MORC1: variants seen among roughly 807,000 people sequenced by gnomAD.
MORC1 encodes MORC family CW-type zinc finger protein 1.
A neutral mutation model predicts 134.9 loss-of-function variants in MORC1; 59 were observed. The observed-to-expected ratio is 0.44, with a 90% confidence interval of 0.35 to 0.54. The LOEUF is 0.54. Ranked by LOEUF, MORC1 falls within the 20% of genes least tolerant of loss-of-function variation. The pLI is 0.00. For synonymous variants in MORC1, 395 were observed against 391.7 expected, an observed-to-expected ratio of 1.01 and a Z score of -0.10; for missense variants, 947 against 1,134.5, an observed-to-expected ratio of 0.83 and a Z score of 2.37.
At chr3:108,998,975 A>C (rs529856096) in intron 21 of MORC1, among the ~76,000 whole-genome samples, 1 of 152,342 alleles carries the variant, frequency 6.6e-6, no homozygotes, top group Non-Finnish European at 1.5e-5. Flanking sequence ...AGAGGTGACA[A>C]AGTAAGGGCT....
intron 1 of MORC1, among the ~76,000 whole-genome samples, chr3:109,116,419 A>G (rs1259288077): frequency 1.3e-5 from 2 of 152,194 alleles, no homozygotes; most frequent in Non-Finnish European, 2.9e-5. Context: ...TGGATTGGAC[A>G]TAGAGGTAAA....
In MORC1 at chr3:109,040,427, GGAAA is replaced by G. The variant is rs1214249386; in HGVS notation, c.1331-4963_1331-4960del. Among the ~76,000 whole-genome samples, 137 of 48,334 alleles carry G rather than the reference GGAAA, an allele frequency of 2.8e-3. 2 individuals carry two copies. The highest frequency in any genetic ancestry group is 6.1e-3 in the African/African-American group (92 of 15,156). The allele number at this position is 48,334 out of a possible 152,430, so 31.7% of individuals were successfully genotyped here. On this transcript the variant is annotated intron_variant, in intron 14 of 27. Transcript: ENST00000232603. ...GAGAAGGAAGGAAGGAAGGAAGGAAGGAAAGAAAGAAAGAAAGAAAGAAAGAAAG... is the reference window on the plus strand; with the variant it reads ...GAGAAGGAAGGAAGGAAGGAAGGAAGGAAAGAAAGAAAGAAAGAAAGAAAG...
chr3:108,995,709 T>G (rs1948182916), intron 21 of MORC1, among the ~76,000 whole-genome samples: 1 of 152,162 alleles, frequency 6.6e-6, no homozygotes, highest in South Asian at 2.1e-4. Context: ...ATTAATACAT[T>G]GTTTAGGTCA....
chr3:108,973,907 T>G (rs1407657892), intron 24 of MORC1, among the ~76,000 whole-genome samples: 1 of 152,214 alleles, frequency 6.6e-6, no homozygotes, highest in Non-Finnish European at 1.5e-5. Flanking sequence ...ATCCAACTAT[T>G]CTTTATAAAG....
chr3:109,009,750 TTATAA>T (rs1220812431), intron 17 of MORC1, among the ~76,000 whole-genome samples: 2 of 152,176 alleles, frequency 1.3e-5, no homozygotes, highest in Admixed American at 6.5e-5. Context: ...AGTAATTTTA[TTATAA>T]TATATGTCTT....
intron 17 of MORC1, among the ~76,000 whole-genome samples, chr3:109,022,333 C>A (rs1948977882): frequency 6.6e-6 from 1 of 152,168 alleles, no homozygotes; most frequent in African/African-American, 2.4e-5. Context: ...ATTCTTCATA[C>A]AAAGCTGTAC....
chr3:109,085,943 A>G (rs1171116304), intron 8 of MORC1, among the ~76,000 whole-genome samples: 1 of 152,168 alleles, frequency 6.6e-6, no homozygotes, highest in Non-Finnish European at 1.5e-5. Flanking sequence ...CACTGTAGCA[A>G]CATGGATGAA....
intron 8 of MORC1, among the ~76,000 whole-genome samples, chr3:109,084,510 T>C (rs1307472091): frequency 6.6e-6 from 1 of 152,078 alleles, no homozygotes. Context: ...GAAGAGAATT[T>C]GAAACATAAT....
At chr3:109,094,628 G>A (rs1002541836) in intron 7 of MORC1, among the ~76,000 whole-genome samples, 32 of 152,196 alleles carry the variant, frequency 2.1e-4, no homozygotes, top group African/African-American at 7.0e-4. Context: ...CTAGTGCAGC[G>A]ACTGTGGAGT....
At chr3:109,050,886 A>G (rs1949807854) in intron 14 of MORC1, among the ~76,000 whole-genome samples, 1 of 152,176 alleles carries the variant, frequency 6.6e-6, no homozygotes, top group Admixed American at 6.5e-5. Context: ...CCTCTTTGCC[A>G]ACTGAAGAAC....
intron 24 of MORC1, among the ~76,000 whole-genome samples, chr3:108,972,725 C>A (rs772319732): frequency 2.8e-4 from 43 of 152,256 alleles, no homozygotes; most frequent in African/African-American, 1.0e-3. Flanking sequence ...GGTGAGAGAC[C>A]TTTTACACAA....
At chr3:109,103,741 T>G in intron 4 of MORC1, 108 bp downstream of exon 4, 1 of 974,516 alleles carries the variant, frequency 1.0e-6, no homozygotes, top group South Asian at 1.6e-5. Flanking sequence ...CTTACTTTCT[T>G]TAATAGCTCC....
At chr3:109,117,867 A>T (rs993517286) in intron 1 of MORC1, 128 bp downstream of exon 1, 1 of 821,980 alleles carries the variant, frequency 1.2e-6, no homozygotes, top group Non-Finnish European at 2.0e-6. Flanking sequence ...AAGCCTATAC[A>T]GCTCAAATAA....
At chr3:109,030,017 C>G (rs1244468242) in intron 16 of MORC1, among the ~76,000 whole-genome samples, 1 of 152,110 alleles carries the variant, frequency 6.6e-6, no homozygotes, top group African/African-American at 2.4e-5. Flanking sequence ...TATATAATTG[C>G]AAAGTAAGAG....
In MORC1 at chr3:109,054,801, A is replaced by G. The variant is rs752926989; in HGVS notation, c.1257T>C (p.Asn419=). Residue 419 remains asparagine (N), a synonymous_variant, in exon 14 of 28, where the codon AAT becomes AAC. Transcript: ENST00000232603. ...EPSHNKQEFL[N]VQEYNHLLKV... ...TTAGTAGATGATTATACTCTTGGACATTGAGAAATTCCTGTTTATTATGGG... is the reference window on the plus strand; with the variant it reads ...TTAGTAGATGATTATACTCTTGGACGTTGAGAAATTCCTGTTTATTATGGG... 11 of 1,606,886 alleles carry G rather than the reference A, an allele frequency of 6.8e-6. No homozygotes were observed. The highest frequency in any genetic ancestry group is 9.3e-6 in the Non-Finnish European group (11 of 1,178,354).
chr3:109,000,710 T>C (rs777773937), intron 20 of MORC1, 52 bp from the exon 21 acceptor site: 8 of 1,340,578 alleles, frequency 6.0e-6, no homozygotes, highest in Non-Finnish European at 1.1e-6. Flanking sequence ...CAATCAATGG[T>C]ACATACTAAA....
At chr3:108,990,701 G>A (rs1487541510) in intron 21 of MORC1, among the ~76,000 whole-genome samples, 1 of 152,130 alleles carries the variant, frequency 6.6e-6, no homozygotes, top group Non-Finnish European at 1.5e-5. Flanking sequence ...AGGATCGTCT[G>A]TTTTTACCCC....
chr3:109,110,866 A>C, intron 2 of MORC1, 83 bp from the exon 3 acceptor site: 1 of 1,048,728 alleles, frequency 9.5e-7, no homozygotes, highest in Non-Finnish European at 1.4e-6. Context: ...GATATCAAAC[A>C]ATACAAAAAT....
chr3:108,979,798 T>G (rs1451334844), intron 23 of MORC1, 131 bp from the exon 24 acceptor site: 1 of 890,710 alleles, frequency 1.1e-6, no homozygotes, highest in Non-Finnish European at 1.6e-6. Flanking sequence ...TGCCGAAAAC[T>G]GCCACCACTG....
Sources: allele counts gnomAD v4.1 joint callset (sites outside exome capture counted in the v4.1 genomes callset), GRCh38; gene constraint gnomAD v4.1.1; transcripts MANE v1.5; gene names NCBI Gene and HGNC (gene_info 2026-07-23, HGNC 2026-07-21).